Variants in RBM26 observed in about 807,000 individuals in gnomAD.
RBM26 encodes the protein RNA-binding protein 26.
A neutral mutation model predicts 123.6 loss-of-function variants in RBM26; 30 were observed. The ratio of observed to expected loss-of-function variants is 0.24; its 90% CI spans 0.18 to 0.33. The LOEUF (loss-of-function observed/expected upper bound fraction) is 0.33. Ranked by LOEUF, RBM26 falls within the 10% of genes least tolerant of loss-of-function variation. RBM26 has a pLI of 1.00. For missense variants in RBM26, 947 were observed against 1,203.6 expected (o/e 0.79, Z 3.15); for synonymous variants, 400 against 404.4 (o/e 0.99, Z 0.13).
At chr13:79,357,521 T>C (rs1305035799) in intron 11 of RBM26, among the ~76,000 whole-genome samples, 1 of 152,134 alleles carries the variant, frequency 6.6e-6, no homozygotes, top group South Asian at 2.1e-4. Flanking sequence ...AAATACAAAT[T>C]ACTGTTAGTG....
At chr13:79,343,502 A>C (rs2071776879) in intron 16 of RBM26, among the ~76,000 whole-genome samples, 1 of 151,908 alleles carries the variant, frequency 6.6e-6, no homozygotes, top group Non-Finnish European at 1.5e-5. Flanking sequence ...TTTCAAATCA[A>C]AATGTAGTTT....
chr13:79,367,406 C>CAAAAAAAAAAAAAAAAAAAAAAAAAAAAA lies in RBM26; in HGVS notation c.896-535_896-534insTTTTTTTTTTTTTTTTTTTTTTTTTTTTT, dbSNP rs776345304. On this transcript the variant is annotated intron_variant, in intron 6 of 21. Coordinates refer to ENST00000438737, the MANE Select transcript of RBM26 (RefSeq NM_001366735.2). ...TGGGGTATAGGGGGAGACTCCATCT[C>CAAAAAAAAAAAAAAAAAAAAAAAAAAAAA]AAAAAAAAAAAAAAAAAAAAAAAAA... Among the ~76,000 whole-genome samples the CAAAAAAAAAAAAAAAAAAAAAAAAAAAAA allele has an allele frequency of 5.0e-4, 20 of 39,650 alleles. 1 individual carries two copies. Among genetic ancestry groups the CAAAAAAAAAAAAAAAAAAAAAAAAAAAAA allele is most frequent in the Non-Finnish European group, 1.1e-3 (17 of 15,644 alleles). 26.0% of individuals were successfully genotyped at this position (39,650 alleles called of 152,430 possible). A position where few individuals can be genotyped will look rare whatever the true frequency, so the allele number is the denominator to read the frequency against.
chr13:79,366,450 T>C (rs1008252970), intron 7 of RBM26, among the ~76,000 whole-genome samples, 183 bp downstream of exon 7: 2 of 152,182 alleles, frequency 1.3e-5, no homozygotes, highest in Non-Finnish European at 2.9e-5. Context: ...CTCCAAACCA[T>C]AGTAACTGGC....
At chr13:79,342,968 T>C (rs551065304) in intron 16 of RBM26, 137 bp from the exon 17 acceptor site, 8 of 547,514 alleles carry the variant, frequency 1.5e-5, no homozygotes, top group South Asian at 8.4e-5. Flanking sequence ...CTAACAACCA[T>C]GAATTATCTA....
intron 9 of RBM26, among the ~76,000 whole-genome samples, chr13:79,363,504 T>C (rs1250016510): frequency 6.6e-6 from 1 of 152,066 alleles, no homozygotes; most frequent in East Asian, 1.9e-4. Context: ...CTGTTATTAA[T>C]GGAAAAATCA....
chr13:79,326,533 T>C (rs779004355), intron 20 of RBM26, among the ~76,000 whole-genome samples: 4 of 152,074 alleles, frequency 2.6e-5, no homozygotes, highest in Non-Finnish European at 5.9e-5. Context: ...GCTGATAATC[T>C]AGATTAAAAA....
intron 9 of RBM26, 143 bp downstream of exon 9, chr13:79,365,435 T>G: frequency 1.5e-6 from 1 of 683,762 alleles, no homozygotes; most frequent in South Asian, 2.1e-5. Context: ...AGAGTGAGAC[T>G]CTGTCTCCAA....
At chr13:79,330,511 C>T (rs992605169) in intron 20 of RBM26, among the ~76,000 whole-genome samples, 3 of 152,150 alleles carry the variant, frequency 2.0e-5, no homozygotes, top group African/African-American at 7.2e-5. Flanking sequence ...GTTAGGGGAT[C>T]TCTTGCAGAA....
intron 1 of RBM26, among the ~76,000 whole-genome samples, chr13:79,383,123 A>C (rs907359133): frequency 2.6e-5 from 4 of 152,244 alleles, no homozygotes; most frequent in African/African-American, 9.6e-5. Flanking sequence ...GGCCTCCCAA[A>C]GGCAGAATAA....
At chr13:79,329,634 C>T (rs547272760) in intron 20 of RBM26, among the ~76,000 whole-genome samples, 49 of 152,160 alleles carry the variant, frequency 3.2e-4, no homozygotes, top group East Asian at 1.5e-3. Flanking sequence ...GATGGAATAA[C>T]TTCAACATTA....
intron 20 of RBM26, among the ~76,000 whole-genome samples, chr13:79,329,404 C>A (rs1035313343): frequency 1.3e-5 from 2 of 151,522 alleles, no homozygotes. Context: ...GTGATGGTAA[C>A]ATACTTAATA....
intron 21 of RBM26, among the ~76,000 whole-genome samples, chr13:79,321,965 C>A (rs567291521): frequency 1.3e-5 from 2 of 151,416 alleles, no homozygotes; most frequent in African/African-American, 2.4e-5. Flanking sequence ...AACAGGCATT[C>A]ATTCTAATGA....
At chr13:79,312,194 C>G (rs2066914709) in exon 5 of RBM26, 1 of 151,988 alleles carries the variant, frequency 6.6e-6, no homozygotes, top group Non-Finnish European at 1.5e-5. Flanking sequence ...GACAAGAAGA[C>G]TCCTTTGGTG....
intron 1 of RBM26, among the ~76,000 whole-genome samples, chr13:79,396,043 A>G (rs1427793282): frequency 6.6e-6 from 1 of 152,212 alleles, no homozygotes; most frequent in Admixed American, 6.5e-5. Flanking sequence ...TATCATCGTC[A>G]AACTGCTGAC....
At chr13:79,349,511 T>C (rs1231108873) in intron 14 of RBM26, among the ~76,000 whole-genome samples, 3 of 152,120 alleles carry the variant, frequency 2.0e-5, no homozygotes. Flanking sequence ...GTACAGCTAG[T>C]AATGAATTTT....
intron 5 of RBM26, among the ~76,000 whole-genome samples, chr13:79,369,260 T>C (rs2075640757): frequency 6.6e-6 from 1 of 152,220 alleles, no homozygotes. Flanking sequence ...AGGAATTTTA[T>C]ATTTTCTTCA....
chr13:79,377,432 T>C lies in RBM26; in HGVS notation c.274A>G (p.Ser92Gly). Residue 92 changes from serine (S) to glycine (G), a missense_variant, in exon 3 of 22, where the codon AGC (serine) becomes GGC (glycine). Ser to Gly is a moderately conservative substitution (Grantham distance 56). Transcript: ENST00000438737. ...LPPPEQPSSGSLKVEFFPHQE... is the reference protein window; with the variant it reads ...LPPPEQPSSGGLKVEFFPHQE... Reference sequence around the variant, plus strand: ...TGTGGAAAAAATTCTACCTTCAGGCTTCCTGATGATGGCTGCTCTGGAGGA... The same window carrying C: ...TGTGGAAAAAATTCTACCTTCAGGCCTCCTGATGATGGCTGCTCTGGAGGA... The C allele has an allele frequency of 6.2e-7, 1 of 1,613,612 alleles. No individual in the cohort carries two copies. Among genetic ancestry groups the C allele is most frequent in the Non-Finnish European group, 8.5e-7 (1 of 1,179,484 alleles).
chr13:79,375,096 T>TTATA (rs368938349), intron 3 of RBM26, among the ~76,000 whole-genome samples: 5 of 95,278 alleles, frequency 5.2e-5, no homozygotes, highest in African/African-American at 1.8e-4. Flanking sequence ...AAATATATAT[T>TTATA]TATATATATC....
chr13:79,312,775 A>C (rs988889550), exon 5 of RBM26: 1 of 151,858 alleles, frequency 6.6e-6, no homozygotes, highest in Non-Finnish European at 1.5e-5. Context: ...TATCTGACTC[A>C]GCACAGACCA....
Sources: allele counts gnomAD v4.1 joint callset (sites outside exome capture counted in the v4.1 genomes callset), GRCh38; gene constraint gnomAD v4.1.1; transcripts MANE v1.5; gene names NCBI Gene and HGNC (gene_info 2026-07-23, HGNC 2026-07-21).